TPTE2: variants seen among roughly 807,000 people sequenced by gnomAD.
TPTE2 encodes phosphatidylinositol 3,4,5-trisphosphate 3-phosphatase TPTE2.
TPTE2 carries 53 observed loss-of-function variants against 78.6 expected under a neutral mutation model. That is an observed-to-expected ratio of 0.67 (90% CI 0.54 to 0.85). The LOEUF is 0.85. Ranked by LOEUF, TPTE2 falls within the 40% of genes least tolerant of loss-of-function variation. TPTE2 has a pLI of 0.00. For missense variants in TPTE2, 461 were observed against 623.0 expected (o/e 0.74, Z 2.77); for synonymous variants, 175 against 206.2 (o/e 0.85, Z 1.30).
chr13:19,555,001 A>G, the TPTE2 span, among the ~76,000 whole-genome samples: 1 of 152,210 alleles, frequency 6.6e-6, no homozygotes, highest in African/African-American at 2.4e-5. Flanking sequence ...CACCATCATT[A>G]GGATCATCAC....
chr13:19,544,060 C>CAAAGAAA, the TPTE2 span, among the ~76,000 whole-genome samples: 1 of 31,982 alleles, frequency 3.1e-5, no homozygotes, highest in Non-Finnish European at 5.1e-5. Flanking sequence ...GAACCTGTCT[C>CAAAGAAA]AAAAAAAAAA....
intron 16 of TPTE2, among the ~76,000 whole-genome samples, chr13:19,431,048 A>G (rs898711636): frequency 6.6e-6 from 1 of 150,400 alleles, no homozygotes; most frequent in African/African-American, 2.5e-5. Context: ...AATTGCTTGA[A>G]CCCGGGAGGC....
chr13:19,524,609 T>C (rs1870385509), intron 1 of TPTE2, among the ~76,000 whole-genome samples: 1 of 152,166 alleles, frequency 6.6e-6, no homozygotes, highest in African/African-American at 2.4e-5. Flanking sequence ...ATATTAAAAT[T>C]ATAACAAACT....
chr13:19,510,228 T>C (rs1243934829), intron 1 of TPTE2, among the ~76,000 whole-genome samples: 2 of 151,998 alleles, frequency 1.3e-5, no homozygotes, highest in African/African-American at 4.8e-5. Flanking sequence ...TGCATCTGAG[T>C]CTGTTTAGTG....
intron 13 of TPTE2, among the ~76,000 whole-genome samples, chr13:19,444,049 A>G (rs1309317598): frequency 1.3e-5 from 2 of 152,116 alleles, no homozygotes; most frequent in Non-Finnish European, 2.9e-5. Flanking sequence ...CTGCAGTCCT[A>G]GCACTTTGGG....
intron 4 of TPTE2, among the ~76,000 whole-genome samples, chr13:19,478,044 A>T (rs1880081571): frequency 6.6e-6 from 1 of 152,234 alleles, no homozygotes; most frequent in Admixed American, 6.5e-5. Context: ...TACAGAGAAA[A>T]GATGGTAAAT....
chr13:19,547,073 A>G, the TPTE2 span, among the ~76,000 whole-genome samples: 1 of 128,872 alleles, frequency 7.8e-6, no homozygotes, highest in Non-Finnish European at 1.7e-5. Flanking sequence ...TGAAGAGAAG[A>G]TGCTAAAAGT....
intron 1 of TPTE2, among the ~76,000 whole-genome samples, chr13:19,508,970 T>A (rs1869251974): frequency 6.6e-6 from 1 of 152,182 alleles, no homozygotes; most frequent in Non-Finnish European, 1.5e-5. Flanking sequence ...TGCTGTTCTC[T>A]GAATATATTG....
intron 1 of TPTE2, among the ~76,000 whole-genome samples, chr13:19,514,128 C>A (rs576425953): frequency 6.6e-6 from 1 of 152,290 alleles, no homozygotes; most frequent in East Asian, 1.9e-4. Context: ...TCTCTCCTCT[C>A]TTGGACCACT....
chr13:19,560,627 C>T, the TPTE2 span: 4 of 1,587,624 alleles, frequency 2.5e-6, no homozygotes, highest in South Asian at 4.4e-5. Context: ...GGAAGGTGCC[C>T]ATCAGGGCCA....
At chr13:19,526,647 T>A (rs2497196) in intron 1 of TPTE2, among the ~76,000 whole-genome samples, 1 of 139,912 alleles carries the variant, frequency 7.1e-6, no homozygotes, top group Non-Finnish European at 1.6e-5. Context: ...CAAAACAATC[T>A]GTGCATCAAA....
chr13:19,497,653 T>TCACCATGA (rs1236654783), intron 1 of TPTE2, among the ~76,000 whole-genome samples: 1 of 138,812 alleles, frequency 7.2e-6, no homozygotes, highest in Non-Finnish European at 1.6e-5. Context: ...CATCTGTACA[T>TCACCATGA]CACCATGATC....
intron 1 of TPTE2, among the ~76,000 whole-genome samples, chr13:19,529,483 C>A (rs770844939): frequency 5.3e-5 from 8 of 152,190 alleles, no homozygotes; most frequent in Non-Finnish European, 1.0e-4. Context: ...TTATTTAAAT[C>A]TCTTGATTTT....
rs553738931 is a variant in TPTE2 at position 19,490,934 on chromosome 13, G to A, written c.119+1916C>T. ...ATTCTCATATTTTCCTAAGGTTTCA[G>A]GGTGCTGCTAAATAAGGGTGACCAA... On this transcript the variant is annotated intron_variant, in intron 3 of 19. Transcript: ENST00000400230. Among the ~76,000 whole-genome samples, 3 of 152,250 alleles carry A rather than the reference G, an allele frequency of 2.0e-5. No individual in the cohort carries two copies. In the East Asian group the frequency reaches 5.8e-4, roughly 29 times the overall value.
At chr13:19,464,779 G>C (rs1012631951) in intron 9 of TPTE2, among the ~76,000 whole-genome samples, 8 of 152,198 alleles carry the variant, frequency 5.3e-5, no homozygotes, top group African/African-American at 1.9e-4. Flanking sequence ...GCCTCAGTCT[G>C]AAGTTCCCCC....
intron 4 of TPTE2, among the ~76,000 whole-genome samples, chr13:19,478,773 A>C (rs1273286611): frequency 6.6e-6 from 1 of 152,094 alleles, no homozygotes; most frequent in Non-Finnish European, 1.5e-5. Flanking sequence ...ATGTCCAACA[A>C]TGATAGACTG....
intron 1 of TPTE2, among the ~76,000 whole-genome samples, chr13:19,498,842 A>T (rs1881566817): frequency 6.6e-6 from 1 of 152,164 alleles, no homozygotes; most frequent in Admixed American, 6.5e-5. Context: ...CAATCAAAAG[A>T]CACAGACTGG....
the TPTE2 span, among the ~76,000 whole-genome samples, chr13:19,542,181 G>T: frequency 6.6e-6 from 1 of 151,712 alleles, no homozygotes; most frequent in South Asian, 2.1e-4. Flanking sequence ...TTAGATACAG[G>T]TCTTGCTCTG....
chr13:19,430,243 C>G (rs1182817708), intron 17 of TPTE2, among the ~76,000 whole-genome samples: 6 of 152,126 alleles, frequency 3.9e-5, no homozygotes, highest in African/African-American at 1.4e-4. Context: ...CAACACTGAC[C>G]AGAAATACAT....
Sources: gnomAD v4.1 joint callset for allele counts (sites outside exome capture counted in the v4.1 genomes callset) on GRCh38, gnomAD v4.1.1 for gene constraint, MANE v1.5 for transcripts, NCBI Gene and HGNC (gene_info 2026-07-23, HGNC 2026-07-21) for gene names.